MAPK10: variants seen among roughly 807,000 people sequenced by gnomAD.
MAPK10 encodes the protein JNK3 alpha protein kinase.
MAPK10 carries 25 observed loss-of-function variants against 59.3 expected under a neutral mutation model. The ratio of observed to expected loss-of-function variants is 0.42; its 90% CI spans 0.31 to 0.59. The LOEUF is 0.59. Ranked by LOEUF, MAPK10 falls within the 20% of genes least tolerant of loss-of-function variation. The pLI is 0.15. For synonymous variants in MAPK10, 190 were observed against 200.5 expected (o/e 0.95, Z 0.44); for missense variants, 351 against 568.9 (o/e 0.62, Z 3.90).
intron 2 of MAPK10, among the ~76,000 whole-genome samples, chr4:86,295,570 A>C (rs1294149933): frequency 2.6e-5 from 4 of 151,990 alleles, no homozygotes; most frequent in Non-Finnish European, 5.9e-5. Flanking sequence ...TAAATGCTTA[A>C]AGATTATCTG....
intron 2 of MAPK10, among the ~76,000 whole-genome samples, chr4:86,198,817 T>C (rs1369396777): frequency 1.3e-5 from 2 of 151,708 alleles, no homozygotes; most frequent in African/African-American, 4.8e-5. Flanking sequence ...TCAAAATACA[T>C]ATAAACAGTG....
At chr4:86,265,556 A>C (rs2094199327) in intron 2 of MAPK10, among the ~76,000 whole-genome samples, 1 of 152,132 alleles carries the variant, frequency 6.6e-6, no homozygotes, top group Non-Finnish European at 1.5e-5. Context: ...TTAAACCCCA[A>C]AGTGGCCTGC....
At chr4:86,593,133 T>G (rs1017042868) in intron 1 of MAPK10, among the ~76,000 whole-genome samples, 14 of 152,222 alleles carry the variant, frequency 9.2e-5, no homozygotes, top group African/African-American at 2.7e-4. Flanking sequence ...TCGCCAAAGA[T>G]AAATCATTAC....
intron 1 of MAPK10, among the ~76,000 whole-genome samples, chr4:86,387,166 C>G (rs1283811327): frequency 2.6e-5 from 4 of 152,054 alleles, no homozygotes; most frequent in African/African-American, 9.7e-5. Context: ...AATGAAGCAG[C>G]CGGAGGGGCA....
intron 1 of MAPK10, among the ~76,000 whole-genome samples, chr4:86,547,353 G>A (rs1182421129): frequency 6.6e-6 from 1 of 152,240 alleles, no homozygotes; most frequent in Non-Finnish European, 1.5e-5. Context: ...GACTGCGCGA[G>A]TTCCGGGTGG....
intron 1 of MAPK10, among the ~76,000 whole-genome samples, chr4:86,472,460 C>T (rs1267410869): frequency 6.6e-6 from 1 of 152,146 alleles, no homozygotes; most frequent in Admixed American, 6.6e-5. Context: ...GCCTGGGCAA[C>T]ATGGCAAAAC....
At chr4:86,222,408 C>T (rs944438184) in intron 2 of MAPK10, among the ~76,000 whole-genome samples, 31 of 152,124 alleles carry the variant, frequency 2.0e-4, no homozygotes, top group African/African-American at 7.0e-4. Context: ...AGCTTCTGGG[C>T]CCAAGGTTAC....
Position 86,462,570 on chromosome 4 carries a change from C to T in MAPK10, c.-262-107926G>A, listed in dbSNP as rs142647093. Reference sequence around the variant, plus strand: ...TCAATCACTTCTCTACAGCACCAGCCGTCCACGTGGCCAATTCAACCCGCT... The same window carrying T: ...TCAATCACTTCTCTACAGCACCAGCTGTCCACGTGGCCAATTCAACCCGCT... On this transcript the variant is annotated intron_variant, in intron 1 of 4. Coordinates refer to the MAPK10 transcript ENST00000502302. Among the ~76,000 whole-genome samples, 759 of 152,222 alleles carry T rather than the reference C, an allele frequency of 5.0e-3. 4 individuals are homozygous for T. Among genetic ancestry groups the T allele is most frequent in the Middle Eastern group, 0.014 (4 of 294 alleles).
At chr4:86,258,251 T>A (rs1371851176) in intron 2 of MAPK10, among the ~76,000 whole-genome samples, 2 of 152,146 alleles carry the variant, frequency 1.3e-5, no homozygotes, top group Non-Finnish European at 2.9e-5. Context: ...ATCATTTGCC[T>A]CTCCCCATCA....
chr4:86,164,129 T>C (rs1435226859), intron 3 of MAPK10, among the ~76,000 whole-genome samples: 7 of 152,172 alleles, frequency 4.6e-5, no homozygotes, highest in Admixed American at 4.6e-4. Context: ...ATGATATAGC[T>C]GAAAACAGCA....
At chr4:86,335,751 C>G (rs112546819) in intron 2 of MAPK10, among the ~76,000 whole-genome samples, 50 of 152,246 alleles carry the variant, frequency 3.3e-4, no homozygotes, top group African/African-American at 1.0e-3. Context: ...GAAGGGGAAA[C>G]AAGGACTTTC....
intron 11 of MAPK10, among the ~76,000 whole-genome samples, chr4:86,036,175 A>G (rs928258386): frequency 2.6e-5 from 4 of 152,178 alleles, no homozygotes; most frequent in Admixed American, 6.5e-5. Context: ...GGGCACCAGA[A>G]AGGCATGATA....
chr4:86,183,781 C>G (rs1172280418), intron 3 of MAPK10, among the ~76,000 whole-genome samples: 7 of 152,308 alleles, frequency 4.6e-5, no homozygotes, highest in Non-Finnish European at 8.8e-5. Flanking sequence ...TCCTATTTCT[C>G]CACATCCTCT....
intron 1 of MAPK10, among the ~76,000 whole-genome samples, chr4:86,493,371 T>C (rs965601175): frequency 1.3e-5 from 2 of 152,272 alleles, no homozygotes; most frequent in African/African-American, 4.8e-5. Context: ...TTATGCTAGA[T>C]TAATTTATCT....
intron 2 of MAPK10, among the ~76,000 whole-genome samples, chr4:86,310,043 C>T (rs1239842640): frequency 6.6e-6 from 1 of 152,144 alleles, no homozygotes; most frequent in African/African-American, 2.4e-5. Context: ...CTGATTGCCT[C>T]CTTTGGAAAG....
rs1034426860 is a variant in MAPK10 at position 86,194,413 on chromosome 4, G to A, written c.-6-6C>T. On this transcript the variant is annotated splice_region_variant and splice_polypyrimidine_tract_variant and intron_variant, in intron 2 of 13. Coordinates refer to ENST00000641462, the MANE Select transcript of MAPK10 (RefSeq NM_138982.4). ...AAATGGAGGCTCATAAATACCTAGA[G>A]GAAAAAGAAATGGAGCATAAATTTT... 3 of 1,517,154 alleles carry A rather than the reference G, an allele frequency of 2.0e-6. No individual in the cohort carries two copies. The highest frequency in any genetic ancestry group is 1.8e-6 in the Non-Finnish European group (2 of 1,093,384). 94.0% of individuals were successfully genotyped at this position (1,517,154 alleles called of 1,614,324 possible).
chr4:86,516,007 G>T (rs1237351129), intron 1 of MAPK10, among the ~76,000 whole-genome samples: 1 of 151,490 alleles, frequency 6.6e-6, no homozygotes, highest in Non-Finnish European at 1.5e-5. Context: ...GAATTTTTAT[G>T]GTTTCAGGTC....
intron 11 of MAPK10, among the ~76,000 whole-genome samples, chr4:86,062,437 AAACTCATTGAT>A (rs2045925416): frequency 6.6e-6 from 1 of 152,166 alleles, no homozygotes; most frequent in Admixed American, 6.6e-5. Context: ...ATAAATTTAA[AAACTCATTGAT>A]ACTATTCAGT....
intron 9 of MAPK10, among the ~76,000 whole-genome samples, chr4:86,082,934 C>G (rs1263895574): frequency 1.3e-5 from 2 of 152,168 alleles, no homozygotes; most frequent in Non-Finnish European, 2.9e-5. Context: ...GCCATGCTGT[C>G]AGGCAAAATA....
Sources: allele counts gnomAD v4.1 joint callset (sites outside exome capture counted in the v4.1 genomes callset), GRCh38; gene constraint gnomAD v4.1.1; transcripts MANE v1.5; gene names NCBI Gene and HGNC (gene_info 2026-07-23, HGNC 2026-07-21).